The following UBXN11 variants were observed in gnomAD, a reference collection of about 807,000 sequenced individuals.
UBXN11 encodes the protein UBX domain protein 11.
A neutral mutation model predicts 62.8 loss-of-function variants in UBXN11; 47 were observed. The observed-to-expected ratio is 0.75, with a 90% CI of 0.59 to 0.95. UBXN11 has a LOEUF of 0.95. Ranked by LOEUF, UBXN11 falls within the 40% of genes least tolerant of loss-of-function variation. The pLI, the probability that UBXN11 is intolerant of heterozygous loss-of-function variation, is 0.00. For synonymous variants in UBXN11, 294 were observed against 267.0 expected (o/e 1.10, Z -0.99); for missense variants, 638 against 661.7 (o/e 0.96, Z 0.39).
At chr1:26,310,803 AT>A (rs71004585), upstream of UBXN11, among the ~76,000 whole-genome samples, 93,077 of 147,060 alleles carry the variant, frequency 0.63, 30,061 homozygotes, top group Non-Finnish European at 0.72. Flanking sequence ...AGCTCATCTG[AT>A]TTTTTTTTTT....
At chr1:26,296,848 TCC>T in intron 7 of UBXN11, 69 bp downstream of exon 7, 1 of 1,500,302 alleles carries the variant, frequency 6.7e-7, no homozygotes, top group South Asian at 1.2e-5. Context: ...CGGACCCAGC[TCC>T]TGAGGAACAT....
At chr1:26,301,049 C>T in intron 3 of UBXN11, 25 bp from the exon 4 acceptor site, 1 of 1,614,192 alleles carries the variant, frequency 6.2e-7, no homozygotes, top group Non-Finnish European at 8.5e-7. Flanking sequence ...GCCTAGGTCA[C>T]CGCTCTGGGG....
Position 26,282,904 on chromosome 1 carries a change from TCTC to T in UBXN11, c.1108_1110del (p.Glu370del). On this transcript the variant is annotated inframe_deletion, in exon 13 of 15. Transcript: ENST00000374222. Reference sequence around the variant, plus strand: ...GCCAAGGTGGGCGTCTCCACCACAATCTCCTGGATCCGGGCAGGCAATGGGCAG... The same window carrying T: ...GCCAAGGTGGGCGTCTCCACCACAATCTGGATCCGGGCAGGCAATGGGCAG... 1.2e-6 allele frequency: 2 copies of T among 1,613,894 alleles called. No individual in the cohort carries two copies. The highest frequency in any genetic ancestry group is 1.7e-6 in the Non-Finnish European group (2 of 1,179,974).
upstream of UBXN11, among the ~76,000 whole-genome samples, chr1:26,307,294 C>T (rs2073689429): frequency 6.6e-6 from 1 of 152,172 alleles, no homozygotes; most frequent in African/African-American, 2.4e-5. Flanking sequence ...AATTAGGAGT[C>T]CTGGCTCCTT....
Position 26,286,197 on chromosome 1 carries a change from T to A in UBXN11, c.560-160A>T, listed in dbSNP as rs183639880. Among the ~76,000 whole-genome samples the A allele has an allele frequency of 2.8e-4, 42 of 152,356 alleles. 1 individual carries two copies. In the South Asian group the frequency reaches 5.0e-3, roughly 18 times the overall value. ...ACGCTAGATAATAACAGCAGCTGTC[T>A]TTTATTGAGCACTTATTTTGTGCTA... On this transcript the variant is annotated intron_variant, in intron 8 of 14. Transcript: ENST00000374222.
chr1:26,306,825 G>C (rs1189571179), upstream of UBXN11: 92 of 78,734 alleles, frequency 1.2e-3, 8 homozygotes, highest in African/African-American at 4.6e-3. Flanking sequence ...GGTCCGGGGC[G>C]GGGTGGGGGG....
At chr1:26,300,653 C>G (rs2073508856) in intron 4 of UBXN11, among the ~76,000 whole-genome samples, 1 of 152,236 alleles carries the variant, frequency 6.6e-6, no homozygotes, top group South Asian at 2.1e-4. Context: ...CTCTCTGACC[C>G]TGAATCCTGA....
chr1:26,282,301 A>G lies in UBXN11; in HGVS notation c.1561T>C (p.Ter521GlnextTer?). 1.4e-6 allele frequency: 2 copies of G among 1,448,824 alleles called. No homozygotes were observed. Among genetic ancestry groups the G allele is most frequent in the Non-Finnish European group, 1.8e-6 (2 of 1,109,444 alleles). The allele number at this position is 1,448,824 out of a possible 1,614,324, so 89.7% of individuals were successfully genotyped here. The change falls in exon 15 of 15, where the codon TAA (stop) becomes CAA (glutamine). Residue 521 changes from the stop codon to glutamine (Q), a stop_lost. Transcript: ENST00000374222. ...AGCGGGTTGAGGGGGCGGGTGCTTTATTGGGGGCTGGGACTGGGTCCAGGA... is the reference window on the plus strand; with the variant it reads ...AGCGGGTTGAGGGGGCGGGTGCTTTGTTGGGGGCTGGGACTGGGTCCAGGA... ...PCPGPSPSPQ[*>Q]
At position 26,294,203 on chromosome 1, in the gene UBXN11, A is replaced by T. The variant is rs761708210; in HGVS notation, c.559+2T>A. 2 of 1,613,794 alleles carry T rather than the reference A, an allele frequency of 1.2e-6. No individual in the cohort carries two copies. Among genetic ancestry groups the T allele is most frequent in the Admixed American group, 3.3e-5 (2 of 59,998 alleles). On this transcript the variant is annotated splice_donor_variant, in intron 8 of 14. Coordinates refer to ENST00000374222, the MANE Select transcript of UBXN11 (RefSeq NM_001389556.1). LOFTEE classifies it high-confidence loss of function. ...GGGCCTGGGGCAGACGCCCTGCTCT[A>T]CCTGGCTTCCAGAACTTCTTGGCTG...
intron 10 of UBXN11, chr1:26,284,747 T>C (rs1249612153): frequency 8.0e-7 from 1 of 1,243,704 alleles, no homozygotes; most frequent in African/African-American, 1.6e-5. Context: ...CTCAGGAGCC[T>C]ACCGTGAAGG....
At chr1:26,296,210 G>T (rs1043455495) in intron 7 of UBXN11, among the ~76,000 whole-genome samples, 3 of 152,224 alleles carry the variant, frequency 2.0e-5, no homozygotes, top group South Asian at 4.1e-4. Context: ...GTCTGTGAGC[G>T]GGGGAAAGAA....
At chr1:26,284,791 CCTG>C in intron 10 of UBXN11, 2 of 1,135,974 alleles carry the variant, frequency 1.8e-6, no homozygotes, top group Non-Finnish European at 2.2e-6. Flanking sequence ...GGACAAAGCC[CCTG>C]CTTTTTTCCA....
At chr1:26,307,887 A>G (rs1294130158), upstream of UBXN11, among the ~76,000 whole-genome samples, 2 of 152,012 alleles carry the variant, frequency 1.3e-5, no homozygotes, top group Non-Finnish European at 2.9e-5. Context: ...TCTGCCTCCC[A>G]AAGTGGACAG....
In UBXN11 at chr1:26,285,516, C is replaced by T. The variant is rs1441211376; in HGVS notation, c.800G>A (p.Gly267Asp). Residue 267 changes from glycine (G) to aspartate (D), a missense_variant, in exon 10 of 15, where the codon GGC (glycine) becomes GAC (aspartate). By Grantham distance (94) the Gly-to-Asp change is moderately conservative (BLOSUM62 -1). Transcript: ENST00000374222. ...TCGCTGGAGCTCTGAGGGAAAGAAG[C>T]CATCCAATATGTCTCGGAGGCAGCG... ...TQRCLRDILD[G>D]FFPSELQRLY... The T allele has an allele frequency of 3.8e-6, 6 of 1,597,918 alleles. No individual in the cohort carries two copies. The highest frequency in any genetic ancestry group is 5.1e-6 in the Non-Finnish European group (6 of 1,168,604).
chr1:26,284,180 C>G lies in UBXN11; in HGVS notation c.1039G>C (p.Val347Leu). ...LPKFVIRQGEVIDIRGPIRDT... is the reference protein window; with the variant it reads ...LPKFVIRQGELIDIRGPIRDT... ...CTGATGGGGCCCCGGATGTCAATCA[C>G]CTCGCCTTGCCGGATCACAAACTTG... The change falls in exon 12 of 15, where the codon GTG becomes CTG. Residue 347 changes from valine (V) to leucine (L), a missense_variant. Val to Leu is a conservative substitution (Grantham distance 32). Transcript: ENST00000374222. 1 of 1,613,082 alleles carries G rather than the reference C, an allele frequency of 6.2e-7. No individual in the cohort carries two copies. The highest frequency in any genetic ancestry group is 1.3e-5 in the African/African-American group (1 of 75,022).
chr1:26,294,095 G>C, intron 8 of UBXN11, 110 bp downstream of exon 8: 1 of 1,503,756 alleles, frequency 6.7e-7, no homozygotes, highest in Non-Finnish European at 8.9e-7. Flanking sequence ...GGGCGTCTTG[G>C]GTCAGGGACC....
chr1:26,317,792 C>A (rs1313275126), intron 1 of UBXN11, among the ~76,000 whole-genome samples: 1 of 152,094 alleles, frequency 6.6e-6, no homozygotes, highest in Admixed American at 6.6e-5. Context: ...CTAGCCTGCT[C>A]CCCCAGCCAG....
upstream of UBXN11, among the ~76,000 whole-genome samples, chr1:26,307,772 T>C (rs1462432775): frequency 6.6e-6 from 1 of 152,046 alleles, no homozygotes; most frequent in Non-Finnish European, 1.5e-5. Context: ...ACTACAGGTG[T>C]GCACAACAAC....
upstream of UBXN11, among the ~76,000 whole-genome samples, chr1:26,310,928 C>A (rs1183199876): frequency 2.6e-5 from 4 of 152,112 alleles, no homozygotes; most frequent in East Asian, 7.8e-4. Context: ...CACTTCCAAG[C>A]TGGAAGGATT....
Sources: gnomAD v4.1 joint callset for allele counts (sites outside exome capture counted in the v4.1 genomes callset) on GRCh38, gnomAD v4.1.1 for gene constraint, MANE v1.5 for transcripts, NCBI Gene and HGNC (gene_info 2026-07-23, HGNC 2026-07-21) for gene names.